ZNF546: variants seen among roughly 807,000 people sequenced by gnomAD.
ZNF546 encodes zinc finger protein 546, also known as CTC-471F3.6.
In ZNF546, 60 loss-of-function variants were observed where a neutral mutation model predicts 76.2. The observed-to-expected ratio is 0.79, with a 90% CI of 0.64 to 0.98. The LOEUF is 0.98. Ranked by LOEUF, ZNF546 falls within the 50% of genes least tolerant of loss-of-function variation. ZNF546 has a pLI of 0.00. For missense variants in ZNF546, 936 were observed against 1,035.6 expected, an observed-to-expected ratio of 0.90 and a Z score of 1.32; for synonymous variants, 277 against 328.1, an observed-to-expected ratio of 0.84 and a Z score of 1.68.
In ZNF546 at chr19:40,015,775, A is replaced by G; in HGVS notation, c.2505A>G (p.Ile835Met). 6.2e-7 allele frequency: 1 copy of G among 1,612,106 alleles called. No homozygotes were observed. The highest frequency in any genetic ancestry group is 8.5e-7 in the Non-Finnish European group (1 of 1,178,946). The stretch of plus-strand genomic sequence containing the variant: ...ATATTAGTGAGGAAGTCCTATGCAT[A>G]ATGTAAAGAGAATACGATGGCCTTT... ...RNHISEEVLC[I>M]M The change falls in exon 7 of 7, where the codon ATA becomes ATG. Residue 835 changes from isoleucine (I) to methionine (M), a missense_variant. Coordinates refer to ENST00000347077, the MANE Select transcript of ZNF546 (RefSeq NM_178544.5).
At position 40,015,546 on chromosome 19, in the gene ZNF546, G is replaced by A. The variant is rs760099860; in HGVS notation, c.2276G>A (p.Arg759His). 120 of 1,613,916 alleles carry A rather than the reference G, an allele frequency of 7.4e-5. 1 individual carries two copies. The highest frequency in any genetic ancestry group is 6.8e-4 in the South Asian group (62 of 91,058). The change falls in exon 7 of 7, where the codon CGT becomes CAT. Residue 759 changes from arginine (R) to histidine (H), a missense_variant. Transcript: ENST00000347077. ...TGTAAAGAATGTGGGAATGCCTTTC[G>A]TCTTCAAGCAGAACTTACTCGACAT... ...YSCKECGNAFRLQAELTRHHI... is the reference protein window; with the variant it reads ...YSCKECGNAFHLQAELTRHHI...
In ZNF546 at chr19:40,020,608, G is replaced by T. The variant is rs1222491598; in HGVS notation, c.*4827G>T. The T allele has an allele frequency of 2.0e-5, 3 of 152,142 alleles. No homozygotes were observed. Among genetic ancestry groups the T allele is most frequent in the Non-Finnish European group, 4.4e-5 (3 of 67,970 alleles). 9.4% of individuals were successfully genotyped at this position (152,142 alleles called of 1,614,324 possible). On this transcript the variant is annotated 3_prime_UTR_variant, in exon 7 of 7. Transcript: ENST00000347077. ...TACTAAATCCCTTTTTTAAAAAAGT[G>T]CTTATTATCAGGCTATCAATCAAAA...
Position 40,019,535 on chromosome 19 carries a change from G to C in ZNF546, c.*3754G>C, listed in dbSNP as rs1971826912. 6.6e-6 allele frequency: 1 copy of C among 152,204 alleles called. No individual in the cohort carries two copies. The highest frequency in any genetic ancestry group is 6.5e-5 in the Admixed American group (1 of 15,286). The allele number at this position is 152,204 out of a possible 1,614,324, so 9.4% of individuals were successfully genotyped here. The stretch of plus-strand genomic sequence containing the variant: ...AAAAGATAATTACAGCATTGTGAAT[G>C]AGAATTGGATGTAAGTACAGATGGA... On this transcript the variant is annotated 3_prime_UTR_variant, in exon 7 of 7. Transcript: ENST00000347077.
rs1403675926 is a variant in ZNF546 at position 40,015,826 on chromosome 19, T to A, written c.*45T>A. 1 of 1,575,476 alleles carries A rather than the reference T, an allele frequency of 6.3e-7. No individual in the cohort carries two copies. Among genetic ancestry groups the A allele is most frequent in the African/African-American group, 1.4e-5 (1 of 73,976 alleles). Reference sequence around the variant, plus strand: ...AGAAAATGCCCTTTAGCAGAGAATTTGTAATTTAAGAAATTTTCTGTTTGT... The same window carrying A: ...AGAAAATGCCCTTTAGCAGAGAATTAGTAATTTAAGAAATTTTCTGTTTGT... On this transcript the variant is annotated 3_prime_UTR_variant, in exon 7 of 7. Transcript: ENST00000347077.
chr19:40,018,273 C>G lies in ZNF546; in HGVS notation c.*2492C>G, dbSNP rs1971806477. 1 of 152,054 alleles carries G rather than the reference C, an allele frequency of 6.6e-6. No individual in the cohort carries two copies. The allele number at this position is 152,054 out of a possible 1,614,324, so 9.4% of individuals were successfully genotyped here. A position where few individuals can be genotyped will look rare whatever the true frequency, so the allele number is the denominator to read the frequency against. Reference sequence around the variant, plus strand: ...GCATGAGCCACCGCACCCGGCCTTCCCAAAGTATTTTTAAATGTGCTTTTT... The same window carrying G: ...GCATGAGCCACCGCACCCGGCCTTCGCAAAGTATTTTTAAATGTGCTTTTT... On this transcript the variant is annotated 3_prime_UTR_variant, in exon 7 of 7. Coordinates refer to ENST00000347077, the MANE Select transcript of ZNF546 (RefSeq NM_178544.5).
In ZNF546 at chr19:40,014,173, C is replaced by A. The variant is rs759476122; in HGVS notation, c.903C>A (p.Tyr301Ter). 5.0e-6 allele frequency: 8 copies of A among 1,611,650 alleles called. No homozygotes were observed. The highest frequency in any genetic ancestry group is 6.8e-6 in the Non-Finnish European group (8 of 1,179,230). Reference protein sequence around the residue: ...HQRIHSGVKPYECKECGKAFS... With the variant: ...HQRIHSGVKP The stretch of plus-strand genomic sequence containing the variant: ...GAATACATTCTGGTGTGAAACCCTA[C>A]GAGTGTAAGGAATGTGGGAAAGCCT... The change falls in exon 7 of 7, where the codon TAC becomes TAA. Residue 301 changes from tyrosine (Y) to a stop codon, truncating the protein, a stop_gained. Coordinates refer to ENST00000347077, the MANE Select transcript of ZNF546 (RefSeq NM_178544.5). LOFTEE classifies it high-confidence loss of function.
At position 40,021,008 on chromosome 19, in the gene ZNF546, A is replaced by C. The variant is rs1971848446; in HGVS notation, c.*5227A>C. 6.6e-6 allele frequency: 1 copy of C among 152,154 alleles called. No individual in the cohort carries two copies. The highest frequency in any genetic ancestry group is 1.5e-5 in the Non-Finnish European group (1 of 67,996). The allele number at this position is 152,154 out of a possible 1,614,324, so 9.4% of individuals were successfully genotyped here. A position where few individuals can be genotyped will look rare whatever the true frequency, so the allele number is the denominator to read the frequency against. On this transcript the variant is annotated 3_prime_UTR_variant, in exon 7 of 7. Coordinates refer to ENST00000347077, the MANE Select transcript of ZNF546 (RefSeq NM_178544.5). ...GTTTTAACAGGTTTTCACTATTTCA[A>C]ATATACTTCAATAAATATCCTTGTC...
chr19:40,009,704 GT>G (rs974415477), intron 6 of ZNF546, among the ~76,000 whole-genome samples: 1 of 151,820 alleles, frequency 6.6e-6, no homozygotes, highest in African/African-American at 2.4e-5. Context: ...CTATAACTTA[GT>G]TTTCATTTTC....
Position 40,019,067 on chromosome 19 carries a change from G to C in ZNF546, c.*3286G>C, listed in dbSNP as rs2047171286. On this transcript the variant is annotated 3_prime_UTR_variant, in exon 7 of 7. Coordinates refer to ENST00000347077, the MANE Select transcript of ZNF546 (RefSeq NM_178544.5). ...CTTTTAATTTAGTAAACGATCTGTA[G>C]AGTAGTACTTTGGCATTTCGGAAAT... 1 of 152,168 alleles carries C rather than the reference G, an allele frequency of 6.6e-6. No individual in the cohort carries two copies. Among genetic ancestry groups the C allele is most frequent in the Non-Finnish European group, 1.5e-5 (1 of 68,040 alleles). 9.4% of individuals were successfully genotyped at this position (152,168 alleles called of 1,614,324 possible).
intron 6 of ZNF546, among the ~76,000 whole-genome samples, chr19:40,009,327 T>C (rs1971643171): frequency 6.6e-6 from 1 of 152,244 alleles, no homozygotes; most frequent in Non-Finnish European, 1.5e-5. Context: ...ACAATTGTTT[T>C]TGTGTTCAGA....
intron 3 of ZNF546, among the ~76,000 whole-genome samples, 183 bp from the exon 4 acceptor site, chr19:40,005,913 G>A (rs771121051): frequency 1.3e-5 from 2 of 152,160 alleles, no homozygotes; most frequent in Non-Finnish European, 2.9e-5. Context: ...GTCATCACCT[G>A]GCAACCGTGG....
At chr19:40,008,041 A>G (rs1009763371) in intron 5 of ZNF546, among the ~76,000 whole-genome samples, 1 of 152,136 alleles carries the variant, frequency 6.6e-6, no homozygotes, top group African/African-American at 2.4e-5. Context: ...ATGCCTTTGC[A>G]TATATTAATT....
At position 40,014,621 on chromosome 19, in the gene ZNF546, C is replaced by A. The variant is rs199775611; in HGVS notation, c.1351C>A (p.Arg451Ser). The A allele has an allele frequency of 5.6e-6, 9 of 1,610,908 alleles. No individual in the cohort carries two copies. The highest frequency in any genetic ancestry group is 7.6e-6 in the Non-Finnish European group (9 of 1,178,942). The change falls in exon 7 of 7, where the codon CGT (arginine) becomes AGT (serine). Residue 451 changes from arginine to serine, a missense_variant. Arg to Ser is a moderately radical substitution (Grantham distance 110, BLOSUM62 -1). Coordinates refer to ENST00000347077, the MANE Select transcript of ZNF546 (RefSeq NM_178544.5). ...ATGTAGAGAATGTGGAAAAGCCTTT[C>A]GTCTTCAAACGGAACTTACTCGGCA... ...YECRECGKAF[R>S]LQTELTRHHR...
rs140952397 is a variant in ZNF546 at position 40,016,654 on chromosome 19, T to G, written c.*873T>G. ...GATTGCTGCAAACATTTCTAAATAC[T>G]TGCTCTTGGTATCTATAACTTTTGC... is the stretch of plus-strand genomic sequence containing the variant. On this transcript the variant is annotated 3_prime_UTR_variant, in exon 7 of 7. Coordinates refer to ENST00000347077, the MANE Select transcript of ZNF546 (RefSeq NM_178544.5). 1 of 152,348 alleles carries G rather than the reference T, an allele frequency of 6.6e-6. No individual in the cohort carries two copies. The highest frequency in any genetic ancestry group is 1.5e-5 in the Non-Finnish European group (1 of 68,030). 9.4% of individuals were successfully genotyped at this position (152,348 alleles called of 1,614,324 possible). A position where few individuals can be genotyped will look rare whatever the true frequency, so the allele number is the denominator to read the frequency against.
intron 5 of ZNF546, among the ~76,000 whole-genome samples, chr19:40,007,625 C>T (rs1971621232): frequency 6.6e-6 from 1 of 152,102 alleles, no homozygotes; most frequent in Non-Finnish European, 1.5e-5. Context: ...TCATTGCTTG[C>T]TTTTCTAAAT....
At chr19:39,999,387 G>T (rs915996470) in intron 3 of ZNF546, among the ~76,000 whole-genome samples, 1 of 152,130 alleles carries the variant, frequency 6.6e-6, no homozygotes, top group Non-Finnish European at 1.5e-5. Context: ...AAACCAATTT[G>T]CTTCTGATGT....
rs1325686449 is a variant in ZNF546 at position 40,008,513 on chromosome 19, A to T, written c.342A>T (p.Gln114His). Residue 114 changes from glutamine (Q) to histidine (H), a missense_variant, in exon 6 of 7, where the codon CAA (glutamine) becomes CAT (histidine). Gln to His is a conservative substitution (Grantham distance 24, BLOSUM62 0). Coordinates refer to ENST00000347077, the MANE Select transcript of ZNF546 (RefSeq NM_178544.5). Reference sequence around the variant, plus strand: ...CAGATGTGATTACTTTATTGGAGCAAGAGAAAGAGCCCTGGATAGTAATGA... The same window carrying T: ...CAGATGTGATTACTTTATTGGAGCATGAGAAAGAGCCCTGGATAGTAATGA... ...PKPDVITLLE[Q>H]EKEPWIVMRE... 6.2e-7 allele frequency: 1 copy of T among 1,612,942 alleles called. No individual in the cohort carries two copies. The highest frequency in any genetic ancestry group is 8.5e-7 in the Non-Finnish European group (1 of 1,179,146).
At chr19:40,000,626 AAAAAAAAG>A (rs1174816548) in intron 3 of ZNF546, among the ~76,000 whole-genome samples, 22 of 151,890 alleles carry the variant, frequency 1.4e-4, no homozygotes, top group African/African-American at 4.8e-4. Context: ...AAAAAAAAAA[AAAAAAAAG>A]AAAAAGAAAA....
chr19:40,018,290 G>A lies in ZNF546; in HGVS notation c.*2509G>A, dbSNP rs1429776943. ...CGGCCTTCCCAAAGTATTTTTAAAT[G>A]TGCTTTTTTATCCCCAGTATTTCCC... is the stretch of plus-strand genomic sequence containing the variant. On this transcript the variant is annotated 3_prime_UTR_variant, in exon 7 of 7. Coordinates refer to ENST00000347077, the MANE Select transcript of ZNF546 (RefSeq NM_178544.5). 6.6e-6 allele frequency: 1 copy of A among 152,114 alleles called. No individual in the cohort carries two copies. Among genetic ancestry groups the A allele is most frequent in the African/African-American group, 2.4e-5 (1 of 41,410 alleles). 9.4% of individuals were successfully genotyped at this position (152,114 alleles called of 1,614,324 possible).
Sources: allele counts gnomAD v4.1 joint callset (sites outside exome capture counted in the v4.1 genomes callset), GRCh38; gene constraint gnomAD v4.1.1; transcripts MANE v1.5; gene names NCBI Gene and HGNC (gene_info 2026-07-23, HGNC 2026-07-21).